The following PDGFD variants were observed in gnomAD, a reference collection of about 807,000 sequenced individuals.
The protein encoded by PDGFD is platelet derived growth factor D, also known as platelet-derived growth factor D.
A neutral mutation model predicts 44.7 loss-of-function variants in PDGFD; 30 were observed. That is an observed-to-expected ratio of 0.67 (90% confidence interval 0.50 to 0.91). The LOEUF (loss-of-function observed/expected upper bound fraction) is 0.91. Among genes scored for constraint, PDGFD ranks in the 40% least tolerant of loss-of-function variants. The pLI is 0.00. For synonymous variants in PDGFD, 173 were observed against 168.4 expected (o/e 1.03, Z -0.21); for missense variants, 445 against 457.8 (o/e 0.97, Z 0.25).
chr11:104,060,353 T>A (rs193159656), intron 1 of PDGFD, among the ~76,000 whole-genome samples: 9 of 152,172 alleles, frequency 5.9e-5, no homozygotes, highest in Admixed American at 3.9e-4. Flanking sequence ...TTGGACAAGG[T>A]GAGCATGCTT....
intron 3 of PDGFD, among the ~76,000 whole-genome samples, chr11:103,962,659 G>T (rs1858956134): frequency 1.3e-5 from 2 of 152,164 alleles, no homozygotes; most frequent in African/African-American, 4.8e-5. Flanking sequence ...AAAAACTGAT[G>T]TTGGAGACAG....
At chr11:104,058,932 A>G (rs1860665339) in intron 1 of PDGFD, among the ~76,000 whole-genome samples, 1 of 152,174 alleles carries the variant, frequency 6.6e-6, no homozygotes, top group African/African-American at 2.4e-5. Flanking sequence ...AAAAATGCAA[A>G]ACTACAAGGG....
intron 1 of PDGFD, among the ~76,000 whole-genome samples, chr11:104,107,434 A>C (rs2134450186): frequency 6.6e-6 from 1 of 152,292 alleles, no homozygotes; most frequent in African/African-American, 2.4e-5. Context: ...AGATGGTGGC[A>C]GCTCCTGCTG....
chr11:104,162,276 G>T (rs1862401822), intron 1 of PDGFD, among the ~76,000 whole-genome samples: 1 of 152,008 alleles, frequency 6.6e-6, no homozygotes, highest in Non-Finnish European at 1.5e-5. Flanking sequence ...GGAGGGTGAG[G>T]ATTACAAAAT....
In PDGFD at chr11:104,051,825, T is replaced by TA. The variant is rs202220097; in HGVS notation, c.125-51571dup. ...ACTGTGCTTTTTTTGACTTAAAAAATAAAAAAAAATTATGGTACAATTTTT... is the reference window on the plus strand; with the variant it reads ...ACTGTGCTTTTTTTGACTTAAAAAATAAAAAAAAAATTATGGTACAATTTTT... On this transcript the variant is annotated intron_variant, in intron 1 of 6. Transcript: ENST00000393158. Among the ~76,000 whole-genome samples, 154 of 151,760 alleles carry TA rather than the reference T, an allele frequency of 1.0e-3. 2 individuals carry two copies. The highest frequency in any genetic ancestry group is 1.7e-3 in the Non-Finnish European group (115 of 67,862).
rs1481860125 is a variant in PDGFD at position 104,163,938 on chromosome 11, C to A, written c.-11G>T. 1 of 1,530,174 alleles carries A rather than the reference C, an allele frequency of 6.5e-7. No homozygotes were observed. The allele number at this position is 1,530,174 out of a possible 1,614,324, so 94.8% of individuals were successfully genotyped here. On this transcript the variant is annotated 5_prime_UTR_variant, in exon 1 of 7. Coordinates refer to ENST00000393158, the MANE Select transcript of PDGFD (RefSeq NM_025208.5). ...GATGAGCCGGTGCATTTGGGATCAGCGACTAGAGACAGCGTCGCTCCAAGA... is the reference window on the plus strand; with the variant it reads ...GATGAGCCGGTGCATTTGGGATCAGAGACTAGAGACAGCGTCGCTCCAAGA...
intron 1 of PDGFD, among the ~76,000 whole-genome samples, chr11:104,140,559 A>G (rs766951715): frequency 1.3e-5 from 2 of 151,950 alleles, no homozygotes; most frequent in Non-Finnish European, 2.9e-5. Context: ...GAGTCCCCCA[A>G]CTTTCCTTCA....
intron 3 of PDGFD, among the ~76,000 whole-genome samples, chr11:103,951,026 T>C (rs559261599): frequency 3.9e-5 from 6 of 152,206 alleles, no homozygotes; most frequent in Non-Finnish European, 8.8e-5. Flanking sequence ...TTTTAGCTTC[T>C]TCACTGTCTG....
At chr11:104,119,177 A>G (rs372222048) in intron 1 of PDGFD, among the ~76,000 whole-genome samples, 69 of 5,098 alleles carry the variant, frequency 0.014, no homozygotes, top group Admixed American at 0.02. Context: ...ATAATATATT[A>G]ATATAATATA....
At chr11:104,009,709 A>G (rs1859755005) in intron 1 of PDGFD, among the ~76,000 whole-genome samples, 1 of 152,124 alleles carries the variant, frequency 6.6e-6, no homozygotes, top group Non-Finnish European at 1.5e-5. Context: ...ATTGAATTTA[A>G]TTAGATAATT....
intron 1 of PDGFD, among the ~76,000 whole-genome samples, chr11:104,032,475 G>T (rs1225038927): frequency 2.0e-5 from 3 of 152,060 alleles, no homozygotes; most frequent in African/African-American, 7.2e-5. Flanking sequence ...AATGTAGCAA[G>T]CAAATGTATT....
intron 1 of PDGFD, among the ~76,000 whole-genome samples, chr11:104,140,174 C>A (rs1319155159): frequency 6.6e-6 from 1 of 152,140 alleles, no homozygotes; most frequent in Non-Finnish European, 1.5e-5. Flanking sequence ...CAAATTAAAT[C>A]CTAATTAAAC....
chr11:104,100,758 A>C (rs1343696328), intron 1 of PDGFD, among the ~76,000 whole-genome samples: 1 of 152,212 alleles, frequency 6.6e-6, no homozygotes, highest in Non-Finnish European at 1.5e-5. Flanking sequence ...CACCATGATC[A>C]AGTGGGCTTC....
At chr11:103,988,288 T>G (rs184088874) in intron 3 of PDGFD, among the ~76,000 whole-genome samples, 75 of 151,972 alleles carry the variant, frequency 4.9e-4, no homozygotes, top group African/African-American at 1.7e-3. Context: ...TTTCTGGTTT[T>G]CAAGGATAAA....
In PDGFD at chr11:103,907,283, C is replaced by T. The variant is rs1020396440; in HGVS notation, c.*2411G>A. ...ATGAGAGGAAAAAGCTGCATGTTAC[C>T]GATATGACAAAAAACATAAAAAACT... On this transcript the variant is annotated 3_prime_UTR_variant, in exon 7 of 7. Transcript: ENST00000393158. 2 of 151,964 alleles carry T rather than the reference C, an allele frequency of 1.3e-5. No homozygotes were observed. The highest frequency in any genetic ancestry group is 4.8e-5 in the African/African-American group (2 of 41,356). 9.4% of individuals were successfully genotyped at this position (151,964 alleles called of 1,614,324 possible).
chr11:104,105,101 G>A (rs947071738), intron 1 of PDGFD, among the ~76,000 whole-genome samples: 1 of 152,098 alleles, frequency 6.6e-6, no homozygotes, highest in Admixed American at 6.6e-5. Context: ...CCATTAATGG[G>A]GGATCCGTGA....
chr11:104,087,787 G>A (rs907423456), intron 1 of PDGFD, among the ~76,000 whole-genome samples: 6 of 152,242 alleles, frequency 3.9e-5, no homozygotes, highest in South Asian at 2.1e-4. Flanking sequence ...GTGCTGTGCC[G>A]CAAGCAGATA....
At chr11:103,973,266 G>A (rs1309012921) in intron 3 of PDGFD, among the ~76,000 whole-genome samples, 1 of 150,604 alleles carries the variant, frequency 6.6e-6, no homozygotes, top group Non-Finnish European at 1.5e-5. Context: ...AGCCTCCCAA[G>A]TAACTGGGAC....
At position 104,014,097 on chromosome 11, in the gene PDGFD, G is replaced by A. The variant is rs75412443; in HGVS notation, c.125-13842C>T. Among the ~76,000 whole-genome samples, 363 of 152,228 alleles carry A rather than the reference G, an allele frequency of 2.4e-3. 2 individuals carry two copies. The highest frequency in any genetic ancestry group is 8.4e-3 in the African/African-American group (350 of 41,548). On this transcript the variant is annotated intron_variant, in intron 1 of 6. Coordinates refer to ENST00000393158, the MANE Select transcript of PDGFD (RefSeq NM_025208.5). The stretch of plus-strand genomic sequence containing the variant: ...GGAAATGACAAATTAACAATGTCTC[G>A]CATGGGCCCAGAAACATAGAGACAG...
Sources: allele counts gnomAD v4.1 joint callset (sites outside exome capture counted in the v4.1 genomes callset), GRCh38; gene constraint gnomAD v4.1.1; transcripts MANE v1.5; gene names NCBI Gene and HGNC (gene_info 2026-07-23, HGNC 2026-07-21).